The following VPS13A variants were observed in gnomAD, a reference collection of about 807,000 sequenced individuals.
The protein encoded by VPS13A is vacuolar protein sorting 13 homolog A, also known as intermembrane lipid transfer protein VPS13A.
A neutral mutation model predicts 390.9 loss-of-function variants in VPS13A; 264 were observed. That is an observed-to-expected ratio of 0.68 (90% CI 0.61 to 0.75). The LOEUF (loss-of-function observed/expected upper bound fraction) is 0.75, where lower values mean the gene tolerates loss of function less well. Ranked by LOEUF, VPS13A falls within the 30% of genes least tolerant of loss-of-function variation. The pLI is 0.00. For synonymous variants in VPS13A, 1,231 were observed against 1,227.1 expected (o/e 1.00, Z -0.07); for missense variants, 3,409 against 3,733.9 (o/e 0.91, Z 2.27).
chr9:77,291,566 C>T (rs927816198), intron 31 of VPS13A, among the ~76,000 whole-genome samples: 16 of 152,088 alleles, frequency 1.1e-4, no homozygotes, highest in African/African-American at 3.9e-4. Context: ...GTACCTTGTG[C>T]TTAGGGTGGC....
rs1180143105 is a variant in VPS13A at position 77,407,579 on chromosome 9, T to TTAAC, written c.9448_9451dup (p.Phe3151Ter). ...CATGCCAGAGAGTTTGGAAAAATAA[T>TTAAC]TAACTTCAAGACCCCAGAGGATGCC... On this transcript the variant is annotated frameshift_variant, in exon 71 of 72. Coordinates refer to ENST00000360280, the MANE Select transcript of VPS13A (RefSeq NM_033305.3). LOFTEE classifies it high-confidence loss of function. 3.7e-6 allele frequency: 6 copies of TTAAC among 1,612,960 alleles called. No homozygotes were observed. Among genetic ancestry groups the TTAAC allele is most frequent in the African/African-American group, 1.3e-5 (1 of 74,906 alleles).
chr9:77,374,676 C>G (rs1052367578), intron 67 of VPS13A, among the ~76,000 whole-genome samples: 1 of 152,120 alleles, frequency 6.6e-6, no homozygotes, highest in African/African-American at 2.4e-5. Flanking sequence ...ATATGCATAT[C>G]CTTTCTCTTC....
chr9:77,291,181 T>C (rs1827635923), intron 31 of VPS13A, among the ~76,000 whole-genome samples: 1 of 152,154 alleles, frequency 6.6e-6, no homozygotes, highest in East Asian at 1.9e-4. Context: ...ATTCTCATAG[T>C]AGGGTGAACC....
chr9:77,375,254 A>G (rs1833003717), intron 67 of VPS13A, among the ~76,000 whole-genome samples: 2 of 152,198 alleles, frequency 1.3e-5, no homozygotes, highest in Non-Finnish European at 2.9e-5. Flanking sequence ...AAAAATAATA[A>G]AGACTAAGAA....
intron 58 of VPS13A, 143 bp downstream of exon 58, chr9:77,359,545 T>C: frequency 1.1e-6 from 1 of 878,796 alleles, no homozygotes. Flanking sequence ...AAATATAATG[T>C]TGTGGCTCAC....
intron 70 of VPS13A, among the ~76,000 whole-genome samples, chr9:77,406,715 C>T (rs1262247868): frequency 2.0e-5 from 3 of 147,850 alleles, no homozygotes; most frequent in East Asian, 3.9e-4. Flanking sequence ...CTGGACCCAG[C>T]CTCATCTTTT....
At chr9:77,237,036 T>C (rs764418210) in intron 17 of VPS13A, among the ~76,000 whole-genome samples, 4 of 151,458 alleles carry the variant, frequency 2.6e-5, no homozygotes, top group Non-Finnish European at 1.5e-5. Context: ...ATTACAGGCA[T>C]GTACCACCAC....
At chr9:77,214,209 G>C (rs1822711735) in intron 9 of VPS13A, 120 bp from the exon 10 acceptor site, 1 of 809,430 alleles carries the variant, frequency 1.2e-6, no homozygotes, top group Non-Finnish European at 2.1e-6. Context: ...CCATGAGACA[G>C]GGGTTGCAGT....
At chr9:77,371,940 T>C (rs1480100904) in intron 67 of VPS13A, among the ~76,000 whole-genome samples, 1 of 145,794 alleles carries the variant, frequency 6.9e-6, no homozygotes, top group Non-Finnish European at 1.5e-5. Context: ...CTGAGAATGA[T>C]GATTTCCAAT....
chr9:77,197,937 C>T (rs1049521977), intron 1 of VPS13A, among the ~76,000 whole-genome samples: 8 of 152,052 alleles, frequency 5.3e-5, no homozygotes, highest in South Asian at 2.1e-4. Flanking sequence ...TTTATTCACA[C>T]GTAAGTTGTT....
intron 9 of VPS13A, 79 bp from the exon 10 acceptor site, chr9:77,214,250 T>TGGGTGACA: frequency 1.6e-6 from 2 of 1,264,948 alleles, no homozygotes; most frequent in Non-Finnish European, 2.3e-6. Context: ...CCCTCCAGCC[T>TGGGTGACA]GGGTGACAGG....
Position 77,273,314 on chromosome 9 carries a change from T to G in VPS13A, c.2462T>G (p.Ile821Ser). The G allele has an allele frequency of 6.2e-7, 1 of 1,612,334 alleles. No homozygotes were observed. Among genetic ancestry groups the G allele is most frequent in the Non-Finnish European group, 8.5e-7 (1 of 1,179,156 alleles). The part of the protein sequence containing the change: ...QTSTSLGTSQ[I>S]SQKIIPLLEL... Reference sequence around the variant, plus strand: ...TCTACTTCTTTGGGAACATCACAGATTTCACAGAAAATAATTCCTCTCTTG... The same window carrying G: ...TCTACTTCTTTGGGAACATCACAGAGTTCACAGAAAATAATTCCTCTCTTG... The change falls in exon 24 of 72, where the codon ATT becomes AGT. Residue 821 changes from isoleucine (I) to serine (S), a missense_variant. Ile to Ser is a moderately radical substitution (Grantham distance 142, BLOSUM62 -2). Transcript: ENST00000360280.
At chr9:77,406,072 C>T in intron 70 of VPS13A, 85 bp downstream of exon 70, 1 of 1,545,532 alleles carries the variant, frequency 6.5e-7, no homozygotes. Flanking sequence ...TAATGCTCTA[C>T]CTCTTTTATA....
At chr9:77,201,557 C>T (rs1825331180) in intron 3 of VPS13A, 150 bp downstream of exon 3, 1 of 767,092 alleles carries the variant, frequency 1.3e-6, no homozygotes, top group African/African-American at 1.7e-5. Context: ...CTTTGTTGTG[C>T]AACTTAAAAA....
At chr9:77,377,824 T>A (rs1833193312) in intron 67 of VPS13A, among the ~76,000 whole-genome samples, 1 of 152,208 alleles carries the variant, frequency 6.6e-6, no homozygotes, top group African/African-American at 2.4e-5. Context: ...AGCTTTCAGA[T>A]GTTCACCATT....
intron 17 of VPS13A, 108 bp from the exon 18 acceptor site, chr9:77,237,894 G>A: frequency 1.2e-6 from 1 of 805,550 alleles, no homozygotes; most frequent in South Asian, 1.6e-5. Flanking sequence ...ACTGGAGTCA[G>A]AAATGCAAAG....
intron 1 of VPS13A, among the ~76,000 whole-genome samples, chr9:77,178,339 C>A (rs1395178808): frequency 1.3e-5 from 2 of 152,188 alleles, no homozygotes; most frequent in African/African-American, 2.4e-5. Context: ...CCTGGCTTCA[C>A]CCGTGGTGCT....
rs368194182 is a variant in VPS13A, at chr9:77,339,577, A to G, written c.6440A>G (p.Gln2147Arg). ...CATTCAGCCCAGATTTGTACTGCACAGTTGGGTAAAGCCAGGCTACATTTA... is the reference window on the plus strand; with the variant it reads ...CATTCAGCCCAGATTTGTACTGCACGGTTGGGTAAAGCCAGGCTACATTTA... The part of the protein sequence containing the change: ...EGHSAQICTA[Q>R]LGKARLHLKL... The change falls in exon 48 of 72, where the codon CAG (glutamine) becomes CGG (arginine). Residue 2147 changes from glutamine (Q) to arginine (R), a missense_variant. Physicochemically the swap from Gln to Arg is conservative, Grantham distance 43. This residue lies in a region of VPS13A where 2,717 missense variants were observed against 2,917.4 expected (regional missense o/e 0.93). Transcript: ENST00000360280. 1.9e-6 allele frequency: 3 copies of G among 1,597,640 alleles called. No homozygotes were observed. The highest frequency in any genetic ancestry group is 1.7e-6 in the Non-Finnish European group (2 of 1,170,792).
intron 19 of VPS13A, among the ~76,000 whole-genome samples, chr9:77,241,785 A>G (rs935842594): frequency 2.0e-5 from 3 of 152,168 alleles, no homozygotes; most frequent in African/African-American, 4.8e-5. Flanking sequence ...TGGACTGCCA[A>G]AGAATTCTTG....
Sources: allele counts gnomAD v4.1 joint callset (sites outside exome capture counted in the v4.1 genomes callset), GRCh38; gene constraint gnomAD v4.1.1; regional missense constraint gnomAD v4.1.1; transcripts MANE v1.5; gene names NCBI Gene and HGNC (gene_info 2026-07-23, HGNC 2026-07-21).